The following GABRP variants were observed in gnomAD, a reference collection of about 807,000 sequenced individuals.
The protein encoded by GABRP is gamma-aminobutyric acid type A receptor subunit pi, also known as gamma-aminobutyric acid receptor subunit pi.
In GABRP, 52 loss-of-function variants were observed where a neutral mutation model predicts 47.8. That is an observed-to-expected ratio of 1.09 (90% CI 0.87 to 1.37). GABRP has a LOEUF of 1.37. GABRP is among the 40% of genes most tolerant of loss of function. The pLI is 0.00. For missense variants in GABRP, 525 were observed against 542.8 expected, an observed-to-expected ratio of 0.97 and a Z score of 0.33; for synonymous variants, 221 against 205.8, an observed-to-expected ratio of 1.07 and a Z score of -0.63.
intron 5 of GABRP, among the ~76,000 whole-genome samples, chr5:170,796,744 G>C (rs879561867): frequency 6.6e-6 from 1 of 152,192 alleles, no homozygotes; most frequent in African/African-American, 2.4e-5. Flanking sequence ...GAGTGTGAGT[G>C]AGCATCCTGG....
At chr5:170,800,844 G>C (rs773201484) in intron 6 of GABRP, among the ~76,000 whole-genome samples, 1 of 152,204 alleles carries the variant, frequency 6.6e-6, no homozygotes, top group Non-Finnish European at 1.5e-5. Flanking sequence ...TACTTGGGAG[G>C]CTGAGGCAGG....
chr5:170,805,636 C>CA (rs113704043), intron 6 of GABRP, 80 bp from the exon 7 acceptor site: 1 of 1,479,284 alleles, frequency 6.8e-7, no homozygotes, highest in African/African-American at 1.4e-5. Flanking sequence ...ATGCTGTCTC[C>CA]ATATTATAGC....
At chr5:170,807,266 G>C (rs1475793327) in intron 7 of GABRP, among the ~76,000 whole-genome samples, 2 of 152,132 alleles carry the variant, frequency 1.3e-5, no homozygotes, top group Non-Finnish European at 1.5e-5. Flanking sequence ...CAAAATTTAA[G>C]TAATTATCAT....
rs1318492657 is a variant in GABRP, at chr5:170,813,549, G to A, written c.*1291G>A. 7 of 152,258 alleles carry A rather than the reference G, an allele frequency of 4.6e-5. No individual in the cohort carries two copies. The highest frequency in any genetic ancestry group is 1.3e-4 in the Admixed American group (2 of 15,274). The allele number at this position is 152,258 out of a possible 1,614,324, so 9.4% of individuals were successfully genotyped here. A position where few individuals can be genotyped will look rare whatever the true frequency, so the allele number is the denominator to read the frequency against. On this transcript the variant is annotated 3_prime_UTR_variant, in exon 10 of 10. Coordinates refer to ENST00000265294, the MANE Select transcript of GABRP (RefSeq NM_014211.3). ...GCTGCCCTCTCCAAATCCAGCCAGA[G>A]ATGCACATTCCTCGGCCAGTCTCAG...
rs370388713 is a variant in GABRP at position 170,794,673 on chromosome 5, T to C, written c.240+375T>C. On this transcript the variant is annotated intron_variant, in intron 4 of 9. Transcript: ENST00000265294. Reference sequence around the variant, plus strand: ...CTGGCCATTACATGGTCTTTTATAATGGGGGAGACAACCCGAGGAAAACTG... The same window carrying C: ...CTGGCCATTACATGGTCTTTTATAACGGGGGAGACAACCCGAGGAAAACTG... Among the ~76,000 whole-genome samples, 8 of 152,158 alleles carry C rather than the reference T, an allele frequency of 5.3e-5. No homozygotes were observed. The South Asian group carries it at 1.0e-3, about 20-fold the overall frequency.
Position 170,795,141 on chromosome 5 carries a change from C to T in GABRP, c.241-67C>T. The T allele has an allele frequency of 2.6e-6, 3 of 1,146,936 alleles. No individual in the cohort carries two copies. The South Asian group carries it at 3.7e-5, about 14-fold the overall frequency. The allele number at this position is 1,146,936 out of a possible 1,614,324, so 71.0% of individuals were successfully genotyped here. On this transcript the variant is annotated intron_variant, in intron 4 of 9. Coordinates refer to ENST00000265294, the MANE Select transcript of GABRP (RefSeq NM_014211.3). The stretch of plus-strand genomic sequence containing the variant: ...AGGGGAGTAAACTTTGACCACTTTC[C>T]TCCATTTGGTGGGGTTTTCTCACCC...
chr5:170,811,790 G>A (rs553250890), intron 9 of GABRP, among the ~76,000 whole-genome samples, 166 bp from the exon 10 acceptor site: 19 of 152,288 alleles, frequency 1.2e-4, no homozygotes, highest in Admixed American at 7.8e-4. Context: ...AGGGCAACAG[G>A]AGCCCAAGCC....
At position 170,788,657 on chromosome 5, in the gene GABRP, C is replaced by T; in HGVS notation, c.42C>T (p.Leu14=). 2 of 1,614,112 alleles carry T rather than the reference C, an allele frequency of 1.2e-6. No homozygotes were observed. The highest frequency in any genetic ancestry group is 1.7e-6 in the Non-Finnish European group (2 of 1,179,988). The change falls in exon 2 of 10, where the codon CTC becomes CTT. Residue 14 remains leucine (L), a synonymous_variant. Coordinates refer to ENST00000265294, the MANE Select transcript of GABRP (RefSeq NM_014211.3). ...SLHLAFVCLS[L]FTERMCIQGS... is the part of the protein sequence containing the mutation. Reference sequence around the variant, plus strand: ...ACTTGGCCTTCGTGTGTCTGAGTCTCTTCACTGAGAGGTGAGCTTTGCTAC... The same window carrying T: ...ACTTGGCCTTCGTGTGTCTGAGTCTTTTCACTGAGAGGTGAGCTTTGCTAC...
intron 6 of GABRP, 88 bp downstream of exon 6, chr5:170,797,636 C>T: frequency 3.8e-6 from 3 of 787,596 alleles, no homozygotes; most frequent in Non-Finnish European, 4.5e-6. Context: ...TACACAGTGA[C>T]CTTTCTTTTC....
intron 5 of GABRP, among the ~76,000 whole-genome samples, chr5:170,796,239 A>G (rs1206357954): frequency 1.3e-5 from 2 of 152,234 alleles, no homozygotes; most frequent in African/African-American, 2.4e-5. Context: ...CCTCAACTGT[A>G]CTGAGTTTTG....
chr5:170,805,897 G>A, intron 7 of GABRP, 44 bp downstream of exon 7: 3 of 1,602,306 alleles, frequency 1.9e-6, no homozygotes, highest in Non-Finnish European at 1.7e-6. Flanking sequence ...TAAGTGAACT[G>A]AGGTGTAGGG....
Position 170,794,305 on chromosome 5 carries a change from G to T in GABRP, c.240+7G>T. 6.3e-7 allele frequency: 1 copy of T among 1,595,992 alleles called. No individual in the cohort carries two copies. The highest frequency in any genetic ancestry group is 8.6e-7 in the Non-Finnish European group (1 of 1,167,546). ...CATTTCAGAGAGTAACATGGTAAGCGCTGTTCCTTTGTACTCTACCCAAGT... is the reference window on the plus strand; with the variant it reads ...CATTTCAGAGAGTAACATGGTAAGCTCTGTTCCTTTGTACTCTACCCAAGT... On this transcript the variant is annotated splice_region_variant and intron_variant, in intron 4 of 9. Transcript: ENST00000265294.
chr5:170,797,612 T>A, intron 6 of GABRP, 64 bp downstream of exon 6: 1 of 970,340 alleles, frequency 1.0e-6, no homozygotes, highest in Non-Finnish European at 1.7e-6. Context: ...TGTGTATTCA[T>A]GAAAAGTATC....
intron 5 of GABRP, 134 bp downstream of exon 5, chr5:170,795,559 A>T: frequency 1.5e-6 from 1 of 687,408 alleles, no homozygotes; most frequent in Non-Finnish European, 2.6e-6. Context: ...CCTTGCCCCC[A>T]TAATAGAAGG....
intron 3 of GABRP, among the ~76,000 whole-genome samples, chr5:170,790,048 G>C (rs936774464): frequency 6.6e-6 from 1 of 152,158 alleles, no homozygotes; most frequent in African/African-American, 2.4e-5. Context: ...TTTCATGTCT[G>C]TCCCGGCTCC....
At chr5:170,809,989 ATATGT>A in intron 9 of GABRP, 1 of 701,980 alleles carries the variant, frequency 1.4e-6, no homozygotes, top group Non-Finnish European at 2.6e-6. Flanking sequence ...CCAGCAGAAA[ATATGT>A]TATCTGTATG....
chr5:170,797,458 C>T lies in GABRP; in HGVS notation c.459-8C>T. The T allele has an allele frequency of 6.3e-7, 1 of 1,588,390 alleles. No homozygotes were observed. Among genetic ancestry groups the T allele is most frequent in the South Asian group, 1.1e-5 (1 of 90,436 alleles). On this transcript the variant is annotated splice_region_variant and splice_polypyrimidine_tract_variant and intron_variant, in intron 5 of 9. Transcript: ENST00000265294. ...AATACTGTTTTTGAACCTGTTTTTC[C>T]CTCTTAGAATCACGACAACTGTTGC...
At chr5:170,794,633 G>A (rs1171912737) in intron 4 of GABRP, among the ~76,000 whole-genome samples, 1 of 152,154 alleles carries the variant, frequency 6.6e-6, no homozygotes, top group Non-Finnish European at 1.5e-5. Context: ...AGGAATGAAA[G>A]TGTAGTAGGC....
intron 6 of GABRP, among the ~76,000 whole-genome samples, chr5:170,802,254 C>T (rs1194028084): frequency 6.6e-6 from 1 of 152,102 alleles, no homozygotes; most frequent in Admixed American, 6.6e-5. Context: ...CAAACTGGGG[C>T]ACCTGTGATA....
Sources: gnomAD v4.1 joint callset for allele counts (sites outside exome capture counted in the v4.1 genomes callset) on GRCh38, gnomAD v4.1.1 for gene constraint, MANE v1.5 for transcripts, NCBI Gene and HGNC (gene_info 2026-07-23, HGNC 2026-07-21) for gene names.